Variants in RAPGEF2 observed in about 807,000 individuals in gnomAD.
RAPGEF2 encodes Rap guanine nucleotide exchange factor 2.
Under a neutral mutation model 186.7 loss-of-function variants are expected in RAPGEF2, and 54 were observed. That is an observed-to-expected ratio of 0.29 (90% CI 0.23 to 0.36). RAPGEF2 has a LOEUF of 0.36. Among genes scored for constraint, RAPGEF2 ranks in the 10% least tolerant of loss-of-function variants. The pLI is 1.00. For synonymous variants in RAPGEF2, 712 were observed against 705.9 expected, an observed-to-expected ratio of 1.01 and a Z score of -0.14; for missense variants, 1,532 against 2,045.0, an observed-to-expected ratio of 0.75 and a Z score of 4.84.
chr4:159,311,009 G>A (rs781316585), intron 8 of RAPGEF2, among the ~76,000 whole-genome samples: 1 of 151,622 alleles, frequency 6.6e-6, no homozygotes, highest in Non-Finnish European at 1.5e-5. Flanking sequence ...TAAGACTATT[G>A]AGAATGTCGA....
At chr4:159,104,512 G>GAC (rs1560964550) in intron 1 of RAPGEF2, among the ~76,000 whole-genome samples, 4 of 130,466 alleles carry the variant, frequency 3.1e-5, no homozygotes, top group African/African-American at 1.4e-4. Flanking sequence ...GAGAGAGAGA[G>GAC]AGAGAGAGAG....
intron 7 of RAPGEF2, among the ~76,000 whole-genome samples, chr4:159,296,318 G>C (rs1012388931): frequency 2.6e-5 from 4 of 152,190 alleles, no homozygotes; most frequent in Admixed American, 6.5e-5. Flanking sequence ...ATTGATGTTG[G>C]AGATGCAGAT....
At chr4:159,198,262 C>T (rs1187593833) in intron 3 of RAPGEF2, among the ~76,000 whole-genome samples, 21 of 74,892 alleles carry the variant, frequency 2.8e-4, no homozygotes, top group African/African-American at 1.8e-3. Flanking sequence ...CTTTCTTTCT[C>T]TTTCTTTCCT....
intron 1 of RAPGEF2, among the ~76,000 whole-genome samples, chr4:159,180,960 T>C (rs1434453701): frequency 1.3e-5 from 2 of 152,230 alleles, no homozygotes; most frequent in Non-Finnish European, 2.9e-5. Flanking sequence ...TTATTTAATT[T>C]GTATGTTATA....
At chr4:159,154,919 T>C (rs1396402526) in intron 1 of RAPGEF2, among the ~76,000 whole-genome samples, 1 of 152,210 alleles carries the variant, frequency 6.6e-6, no homozygotes, top group Non-Finnish European at 1.5e-5. Flanking sequence ...TATGATTGTT[T>C]GCTTAGAGAG....
At chr4:159,162,962 C>G (rs928941291) in intron 1 of RAPGEF2, among the ~76,000 whole-genome samples, 7 of 152,072 alleles carry the variant, frequency 4.6e-5, no homozygotes, top group African/African-American at 1.7e-4. Context: ...GGACTATAAT[C>G]TAGAATCTTC....
chr4:159,348,653 A>G (rs1561330925), intron 25 of RAPGEF2, among the ~76,000 whole-genome samples: 2 of 152,158 alleles, frequency 1.3e-5, no homozygotes, highest in South Asian at 4.1e-4. Context: ...AACTTCTCAT[A>G]TGGAAGATTA....
chr4:159,145,170 T>G (rs1469568859), intron 1 of RAPGEF2, among the ~76,000 whole-genome samples: 1 of 152,072 alleles, frequency 6.6e-6, no homozygotes, highest in African/African-American at 2.4e-5. Context: ...CGTGAGCCAC[T>G]GCATCTGGCC....
intron 4 of RAPGEF2, among the ~76,000 whole-genome samples, chr4:159,231,924 TGTTAA>T (rs1752686615): frequency 6.6e-6 from 1 of 152,212 alleles, no homozygotes; most frequent in Non-Finnish European, 1.5e-5. Context: ...ATCACTTCAT[TGTTAA>T]GTTATCATAT....
chr4:159,250,621 A>T (rs1250995717), intron 7 of RAPGEF2, among the ~76,000 whole-genome samples: 3 of 152,056 alleles, frequency 2.0e-5, no homozygotes, highest in Non-Finnish European at 4.4e-5. Flanking sequence ...TAAAACCTCA[A>T]AATAAGTTGT....
intron 2 of RAPGEF2, among the ~76,000 whole-genome samples, chr4:159,191,671 G>T (rs756646727): frequency 6.6e-6 from 1 of 152,118 alleles, no homozygotes; most frequent in Non-Finnish European, 1.5e-5. Flanking sequence ...CCCGGGAGGT[G>T]GAGGTTGCAG....
At chr4:159,357,376 G>C (rs565339826) in intron 29 of RAPGEF2, among the ~76,000 whole-genome samples, 1 of 152,244 alleles carries the variant, frequency 6.6e-6, no homozygotes, top group South Asian at 2.1e-4. Flanking sequence ...GAAAGAGAGA[G>C]AGAAGGGGAG....
chr4:159,222,804 AAAG>A (rs1307202631), intron 4 of RAPGEF2, among the ~76,000 whole-genome samples: 1 of 152,180 alleles, frequency 6.6e-6, no homozygotes, highest in Non-Finnish European at 1.5e-5. Context: ...AATATGGTTA[AAAG>A]AAGGATTGAT....
intron 9 of RAPGEF2, among the ~76,000 whole-genome samples, chr4:159,315,908 G>A (rs1166593556): frequency 3.3e-5 from 5 of 152,296 alleles, no homozygotes; most frequent in South Asian, 2.1e-4. Context: ...TTAGGCCTCC[G>A]GATAACTGCG....
chr4:159,206,590 C>T (rs1466228448), intron 3 of RAPGEF2, among the ~76,000 whole-genome samples: 1 of 152,106 alleles, frequency 6.6e-6, no homozygotes, highest in Non-Finnish European at 1.5e-5. Flanking sequence ...TGTAAAAACC[C>T]TCCAGTGACA....
At chr4:159,309,383 G>T (rs1223181669) in intron 8 of RAPGEF2, among the ~76,000 whole-genome samples, 1 of 152,156 alleles carries the variant, frequency 6.6e-6, no homozygotes, top group Non-Finnish European at 1.5e-5. Context: ...CAAGAAGGCA[G>T]GGAACTTGTC....
At chr4:159,336,255 A>G (rs2111232578) in intron 17 of RAPGEF2, among the ~76,000 whole-genome samples, 1 of 151,806 alleles carries the variant, frequency 6.6e-6, no homozygotes, top group African/African-American at 2.4e-5. Context: ...CTGGGATTTT[A>G]GTGCACCCAT....
At chr4:159,234,541 C>T (rs1561120947) in intron 4 of RAPGEF2, among the ~76,000 whole-genome samples, 1 of 145,040 alleles carries the variant, frequency 6.9e-6, no homozygotes, top group African/African-American at 2.6e-5. Flanking sequence ...TGCCACCATG[C>T]CCGGCTAATT....
At chr4:159,229,669 C>T (rs938166586) in intron 4 of RAPGEF2, 1 of 152,082 alleles carries the variant, frequency 6.6e-6, no homozygotes. Flanking sequence ...ACCATTTGCA[C>T]CTGTAGAAAT....
Sources: gnomAD v4.1 joint callset for allele counts (sites outside exome capture counted in the v4.1 genomes callset) on GRCh38, gnomAD v4.1.1 for gene constraint, MANE v1.5 for transcripts, NCBI Gene and HGNC (gene_info 2026-07-23, HGNC 2026-07-21) for gene names.